The following SYN3 variants were observed in gnomAD, a reference collection of about 807,000 sequenced individuals.
The protein encoded by SYN3 is synapsin III.
In SYN3, 35 loss-of-function variants were observed where a neutral mutation model predicts 65.8. The observed-to-expected ratio is 0.53, with a 90% CI of 0.41 to 0.70. The LOEUF is 0.70. Ranked by LOEUF, SYN3 falls within the 30% of genes least tolerant of loss-of-function variation. SYN3 has a pLI of 0.00. For missense variants in SYN3, 680 were observed against 749.0 expected, an observed-to-expected ratio of 0.91 and a Z score of 1.08; for synonymous variants, 270 against 292.9, an observed-to-expected ratio of 0.92 and a Z score of 0.80.
intron 6 of SYN3, among the ~76,000 whole-genome samples, chr22:32,657,793 C>A (rs2060163199): frequency 6.6e-6 from 1 of 152,214 alleles, no homozygotes; most frequent in African/African-American, 2.4e-5. Flanking sequence ...CCAGGCACAA[C>A]CAAAGTGCAG....
chr22:32,672,828 C>G (rs1161897531), intron 6 of SYN3, among the ~76,000 whole-genome samples: 1 of 152,182 alleles, frequency 6.6e-6, no homozygotes, highest in African/African-American at 2.4e-5. Context: ...GACCCAGGCC[C>G]CTCCCTGGGA....
At chr22:32,578,186 C>G (rs771190822) in intron 7 of SYN3, among the ~76,000 whole-genome samples, 1 of 111,216 alleles carries the variant, frequency 9.0e-6, no homozygotes, top group Non-Finnish European at 2.0e-5. Context: ...CTTTCTTTCT[C>G]TTTCTTTCTT....
intron 1 of SYN3, among the ~76,000 whole-genome samples, chr22:33,012,103 T>C (rs1224703492): frequency 6.6e-6 from 1 of 152,204 alleles, no homozygotes; most frequent in Non-Finnish European, 1.5e-5. Context: ...TTTGCTATTC[T>C]GTTTTCTAGA....
At chr22:32,584,549 C>A (rs1017536418) in intron 7 of SYN3, among the ~76,000 whole-genome samples, 1 of 152,160 alleles carries the variant, frequency 6.6e-6, no homozygotes. Context: ...AATCTTATTG[C>A]TTTTCAATGT....
chr22:32,619,389 C>T (rs1422772696), intron 6 of SYN3, among the ~76,000 whole-genome samples: 2 of 152,134 alleles, frequency 1.3e-5, no homozygotes, highest in Non-Finnish European at 2.9e-5. Context: ...GAGTTCCACC[C>T]CTGTTCTGAA....
chr22:32,550,828 A>C (rs1216789095), intron 7 of SYN3, among the ~76,000 whole-genome samples: 1 of 152,204 alleles, frequency 6.6e-6, no homozygotes, highest in African/African-American at 2.4e-5. Context: ...GAAAATGTAC[A>C]AGATGAGTTC....
intron 6 of SYN3, chr22:32,629,696 C>T (rs531105818): frequency 6.6e-6 from 1 of 152,300 alleles, no homozygotes; most frequent in Admixed American, 6.5e-5. Flanking sequence ...AGCCTCTTTG[C>T]AATCTTCCTT....
intron 4 of SYN3, among the ~76,000 whole-genome samples, chr22:32,895,514 T>A (rs2146497351): frequency 6.6e-6 from 1 of 152,302 alleles, no homozygotes; most frequent in Middle Eastern, 3.4e-3. Flanking sequence ...AATCTAAGAA[T>A]GACAGGAAAG....
chr22:32,974,338 T>C (rs1356483626), intron 3 of SYN3, among the ~76,000 whole-genome samples: 2 of 152,160 alleles, frequency 1.3e-5, no homozygotes, highest in East Asian at 3.8e-4. Flanking sequence ...AAGATGGAGG[T>C]GATAACAGTG....
chr22:32,921,886 C>T lies in SYN3; in HGVS notation c.461+9504G>A, dbSNP rs573409817. Among the ~76,000 whole-genome samples, 7 of 152,256 alleles carry T rather than the reference C, an allele frequency of 4.6e-5. No individual in the cohort carries two copies. In the East Asian group the frequency reaches 1.2e-3, roughly 25 times the overall value. On this transcript the variant is annotated intron_variant, in intron 4 of 13. Coordinates refer to ENST00000358763, the MANE Select transcript of SYN3 (RefSeq NM_003490.4). ...TAAGTTACTGCCCACGGTCACACAG[C>T]TGCTGTCACCGTGGCAAATCTGGGA...
intron 6 of SYN3, among the ~76,000 whole-genome samples, chr22:32,706,155 G>A (rs775560841): frequency 5.9e-5 from 9 of 152,160 alleles, no homozygotes; most frequent in Non-Finnish European, 1.0e-4. Flanking sequence ...CAAGGGGAAC[G>A]TTTCCAGCTT....
chr22:32,968,363 T>G (rs1453696335), intron 3 of SYN3, among the ~76,000 whole-genome samples: 1 of 152,150 alleles, frequency 6.6e-6, no homozygotes, highest in African/African-American at 2.4e-5. Context: ...CTTTTCTGCC[T>G]CCAGTCTCAA....
intron 6 of SYN3, among the ~76,000 whole-genome samples, chr22:32,709,886 A>T (rs1217732707): frequency 6.6e-6 from 1 of 152,014 alleles, no homozygotes; most frequent in African/African-American, 2.4e-5. Flanking sequence ...CATTGGACAT[A>T]TGCTGGTTTA....
At chr22:32,572,951 A>G (rs1187094210) in intron 7 of SYN3, among the ~76,000 whole-genome samples, 1 of 152,234 alleles carries the variant, frequency 6.6e-6, no homozygotes, top group Non-Finnish European at 1.5e-5. Flanking sequence ...AACCATGGAT[A>G]AGGGCTGGAA....
intron 4 of SYN3, among the ~76,000 whole-genome samples, chr22:32,892,215 G>A (rs1178848676): frequency 6.6e-6 from 1 of 152,112 alleles, no homozygotes; most frequent in Non-Finnish European, 1.5e-5. Flanking sequence ...AGAAGTGCTT[G>A]AACCCGGGAG....
intron 4 of SYN3, among the ~76,000 whole-genome samples, chr22:32,912,824 G>A (rs995712416): frequency 3.7e-4 from 56 of 152,318 alleles, no homozygotes; most frequent in Non-Finnish European, 1.3e-4. Context: ...AAAGATCAGT[G>A]GTTGCCAAGG....
rs1013312935 is a variant in SYN3 at position 32,821,681 on chromosome 22, G to T, written c.711+43234C>A. Among the ~76,000 whole-genome samples, 8 of 152,256 alleles carry T rather than the reference G, an allele frequency of 5.3e-5. No individual in the cohort carries two copies. The East Asian group carries it at 1.4e-3, about 26-fold the overall frequency. ...TTTCCCAATATCTCACAGCAGGTGGGGAGTGGGGGAAAGCAGCTTCCAGGG... is the reference window on the plus strand; with the variant it reads ...TTTCCCAATATCTCACAGCAGGTGGTGAGTGGGGGAAAGCAGCTTCCAGGG... On this transcript the variant is annotated intron_variant, in intron 6 of 13. Transcript: ENST00000358763.
At chr22:32,806,826 A>G (rs986444278) in intron 6 of SYN3, among the ~76,000 whole-genome samples, 1 of 152,148 alleles carries the variant, frequency 6.6e-6, no homozygotes, top group Non-Finnish European at 1.5e-5. Flanking sequence ...GGAGAAGAGT[A>G]AAATCCTTTC....
At position 32,679,839 on chromosome 22, in the gene SYN3, C is replaced by CTTTTTTTTTTTTTTTTTTTTTTT. The variant is rs747116076; in HGVS notation, c.712-83104_712-83103insAAAAAAAAAAAAAAAAAAAAAAA. On this transcript the variant is annotated intron_variant, in intron 6 of 13. Transcript: ENST00000358763. ...AAACTGGGTGAGGTTTGTTTTTTGG[C>CTTTTTTTTTTTTTTTTTTTTTTT]TTTTTTTTTTTTTTTTTTTGCTATT... Among the ~76,000 whole-genome samples, 116 of 39,154 alleles carry CTTTTTTTTTTTTTTTTTTTTTTT rather than the reference C, an allele frequency of 3.0e-3. 14 individuals carry two copies. The highest frequency in any genetic ancestry group is 4.5e-3 in the East Asian group (5 of 1,106). The allele number at this position is 39,154 out of a possible 152,430, so 25.7% of individuals were successfully genotyped here. A position where few individuals can be genotyped will look rare whatever the true frequency, so the allele number is the denominator to read the frequency against.
Sources: gnomAD v4.1 joint callset for allele counts (sites outside exome capture counted in the v4.1 genomes callset) on GRCh38, gnomAD v4.1.1 for gene constraint, MANE v1.5 for transcripts, NCBI Gene and HGNC (gene_info 2026-07-23, HGNC 2026-07-21) for gene names.